The following GNAI1 variants were observed in gnomAD, a reference collection of about 807,000 sequenced individuals.
GNAI1 encodes the protein G protein subunit alpha i1.
A neutral mutation model predicts 38.9 loss-of-function variants in GNAI1; 11 were observed. The ratio of observed to expected loss-of-function variants is 0.28; its 90% CI spans 0.18 to 0.47. The LOEUF (loss-of-function observed/expected upper bound fraction) is 0.47, where lower values mean the gene tolerates loss of function less well. Ranked by LOEUF, GNAI1 falls within the 20% of genes least tolerant of loss-of-function variation. The pLI is 0.99. For synonymous variants in GNAI1, 166 were observed against 145.1 expected (o/e 1.14, Z -1.04); for missense variants, 317 against 436.9 (o/e 0.73, Z 2.45).
chr7:80,145,426 G>T (rs1010796415), intron 1 of GNAI1, among the ~76,000 whole-genome samples: 4 of 152,132 alleles, frequency 2.6e-5, no homozygotes, highest in South Asian at 2.1e-4. Flanking sequence ...TGAAGGTTGG[G>T]CTTCTCATTC....
chr7:80,153,820 T>G (rs770164027), intron 1 of GNAI1, among the ~76,000 whole-genome samples: 3 of 152,216 alleles, frequency 2.0e-5, no homozygotes, highest in Non-Finnish European at 2.9e-5. Context: ...CTTCTTTGTT[T>G]CCTTGAGCAT....
intron 1 of GNAI1, among the ~76,000 whole-genome samples, chr7:80,169,663 T>A (rs1443223779): frequency 6.6e-6 from 1 of 152,208 alleles, no homozygotes; most frequent in Non-Finnish European, 1.5e-5. Context: ...CCAAATTTTA[T>A]TAACTTTTAA....
chr7:80,147,372 A>G (rs773263265), intron 1 of GNAI1, among the ~76,000 whole-genome samples: 1 of 121,456 alleles, frequency 8.2e-6, no homozygotes, highest in Non-Finnish European at 2.0e-5. Flanking sequence ...TGGTATCCTT[A>G]TTAAAAAAAA....
intron 1 of GNAI1, among the ~76,000 whole-genome samples, chr7:80,155,056 T>C (rs1284792534): frequency 6.6e-6 from 1 of 152,198 alleles, no homozygotes; most frequent in Non-Finnish European, 1.5e-5. Context: ...TAGCCTGATT[T>C]TGAATTCAAG....
At chr7:80,152,261 G>A (rs555373855) in intron 1 of GNAI1, among the ~76,000 whole-genome samples, 1 of 152,274 alleles carries the variant, frequency 6.6e-6, no homozygotes, top group East Asian at 1.9e-4. Flanking sequence ...TGCATTTGCA[G>A]TTATGCAATT....
At chr7:80,176,399 G>T (rs1228007833) in intron 1 of GNAI1, among the ~76,000 whole-genome samples, 1 of 152,198 alleles carries the variant, frequency 6.6e-6, no homozygotes, top group Admixed American at 6.5e-5. Context: ...TTATCCGGAA[G>T]ATCTAGCTAA....
In GNAI1 at chr7:80,174,342, A is replaced by G. The variant is rs923229287; in HGVS notation, c.119-14609A>G. Among the ~76,000 whole-genome samples, 3 of 151,660 alleles carry G rather than the reference A, an allele frequency of 2.0e-5. No individual in the cohort carries two copies. The East Asian group carries it at 5.8e-4, about 29-fold the overall frequency. ...TTATTTTTTAAACAATATTTCTTCA[A>G]TGTAATTTTTCCCTTGTACTTGTCT... On this transcript the variant is annotated intron_variant, in intron 1 of 7. Coordinates refer to ENST00000649796, the MANE Select transcript of GNAI1 (RefSeq NM_002069.6).
chr7:80,175,915 GT>G (rs931716489), intron 1 of GNAI1, among the ~76,000 whole-genome samples: 17 of 152,270 alleles, frequency 1.1e-4, no homozygotes, highest in Non-Finnish European at 2.1e-4. Context: ...TGGCCTCTAA[GT>G]GTTCAAAGGA....
intron 3 of GNAI1, among the ~76,000 whole-genome samples, chr7:80,194,570 G>A (rs1788536423): frequency 6.6e-6 from 1 of 152,112 alleles, no homozygotes; most frequent in Non-Finnish European, 1.5e-5. Flanking sequence ...AATTTTGAGG[G>A]AGTGAATTTT....
intron 5 of GNAI1, among the ~76,000 whole-genome samples, chr7:80,206,803 A>G (rs1254619457): frequency 6.6e-6 from 1 of 152,044 alleles, no homozygotes; most frequent in African/African-American, 2.4e-5. Context: ...ATACATATCT[A>G]TGATAAAGTT....
intron 1 of GNAI1, among the ~76,000 whole-genome samples, chr7:80,163,943 C>T (rs1427923212): frequency 6.8e-6 from 1 of 146,162 alleles, no homozygotes; most frequent in East Asian, 2.0e-4. Context: ...TGAATCTATG[C>T]TGCTTTGTCA....
At chr7:80,211,186 T>A in intron 6 of GNAI1, 88 bp downstream of exon 6, 3 of 1,139,136 alleles carry the variant, frequency 2.6e-6, no homozygotes, top group Non-Finnish European at 3.8e-6. Flanking sequence ...TATAACAATT[T>A]GAAAGTACAG....
chr7:80,179,842 C>T (rs1584031256), intron 1 of GNAI1, among the ~76,000 whole-genome samples: 1 of 152,176 alleles, frequency 6.6e-6, no homozygotes, highest in African/African-American at 2.4e-5. Context: ...TAGAGGAACC[C>T]TGACCTTAGG....
chr7:80,174,526 T>C (rs1438055540), intron 1 of GNAI1, among the ~76,000 whole-genome samples: 2 of 151,768 alleles, frequency 1.3e-5, no homozygotes, highest in African/African-American at 4.8e-5. Context: ...TATAGTTTGA[T>C]ACTCATTAAT....
At position 80,212,889 on chromosome 7, in the gene GNAI1, A is replaced by T. The variant is rs1788898575; in HGVS notation, c.874+20A>T. The T allele has an allele frequency of 1.3e-6, 2 of 1,497,186 alleles. No homozygotes were observed. The highest frequency in any genetic ancestry group is 1.3e-5 in the South Asian group (1 of 76,716). 92.7% of individuals were successfully genotyped at this position (1,497,186 alleles called of 1,614,324 possible). A position where few individuals can be genotyped will look rare whatever the true frequency, so the allele number is the denominator to read the frequency against. On this transcript the variant is annotated intron_variant, in intron 7 of 7. Coordinates refer to ENST00000649796, the MANE Select transcript of GNAI1 (RefSeq NM_002069.6). ...ATGCAGGTATTTTCCTTTTCTGGGA[A>T]TAACTTGTCAAGTTACATATTTCTA...
Position 80,199,151 on chromosome 7 carries a change from T to G in GNAI1, c.304-74T>G, listed in dbSNP as rs548243126. ...GCTATTGCCTTTTTTTTTTTAACTC[T>G]AGAATTGTCTCCTTTGTACTTTTTA... On this transcript the variant is annotated intron_variant, in intron 3 of 7. Transcript: ENST00000649796. 6.8e-6 allele frequency: 7 copies of G among 1,036,716 alleles called. 1 individual carries two copies. The South Asian group carries it at 1.0e-4, about 15-fold the overall frequency. 64.2% of individuals were successfully genotyped at this position (1,036,716 alleles called of 1,614,324 possible). A position where few individuals can be genotyped will look rare whatever the true frequency, so the allele number is the denominator to read the frequency against.
intron 1 of GNAI1, among the ~76,000 whole-genome samples, chr7:80,141,979 A>G: frequency 6.6e-6 from 1 of 152,196 alleles, no homozygotes; most frequent in East Asian, 1.9e-4. Context: ...TTTAAGCTCC[A>G]TGCGTCTAGC....
rs1161565206 is a variant in GNAI1 at position 80,148,231 on chromosome 7, A to C, written c.118+12953A>C. Among the ~76,000 whole-genome samples, 3 of 152,186 alleles carry C rather than the reference A, an allele frequency of 2.0e-5. No homozygotes were observed. The East Asian group carries it at 5.8e-4, about 29-fold the overall frequency. ...AAGTAAATGGACTCCACAGTAATTT[A>C]TACTGTGCACATGGTGATGCTTGGA... is the stretch of plus-strand genomic sequence containing the variant. On this transcript the variant is annotated intron_variant, in intron 1 of 7. Coordinates refer to ENST00000649796, the MANE Select transcript of GNAI1 (RefSeq NM_002069.6).
chr7:80,145,041 C>G (rs1422257237), intron 1 of GNAI1, among the ~76,000 whole-genome samples: 2 of 152,158 alleles, frequency 1.3e-5, no homozygotes, highest in Admixed American at 6.6e-5. Flanking sequence ...TCTCTTGCCT[C>G]CAGCACCTTT....
Sources: allele counts gnomAD v4.1 joint callset (sites outside exome capture counted in the v4.1 genomes callset), GRCh38; gene constraint gnomAD v4.1.1; transcripts MANE v1.5; gene names NCBI Gene and HGNC (gene_info 2026-07-23, HGNC 2026-07-21).